B3GAT2: variants seen among roughly 807,000 people sequenced by gnomAD.
The protein encoded by B3GAT2 is beta-1,3-glucuronyltransferase 2.
In B3GAT2, 26 loss-of-function variants were observed where a neutral mutation model predicts 27.8. That is an observed-to-expected ratio of 0.93 (90% confidence interval 0.68 to 1.30). The LOEUF (loss-of-function observed/expected upper bound fraction) is 1.30, where lower values mean the gene tolerates loss of function less well. Among genes scored for constraint, B3GAT2 ranks in the 50% most tolerant of loss-of-function variants. The pLI is 0.00. For synonymous variants in B3GAT2, 218 were observed against 195.1 expected, an observed-to-expected ratio of 1.12 and a Z score of -0.98; for missense variants, 458 against 459.0, an observed-to-expected ratio of 1.00 and a Z score of 0.02.
At chr6:70,954,036 T>G (rs528082741) in intron 1 of B3GAT2, among the ~76,000 whole-genome samples, 41 of 152,332 alleles carry the variant, frequency 2.7e-4, no homozygotes, top group African/African-American at 9.6e-4. Flanking sequence ...AAATCATTCC[T>G]CCTTCACAAT....
intron 1 of B3GAT2, among the ~76,000 whole-genome samples, chr6:70,923,889 T>C (rs1772911404): frequency 6.6e-6 from 1 of 152,240 alleles, no homozygotes; most frequent in African/African-American, 2.4e-5. Flanking sequence ...TCTGTTTATA[T>C]TGTTGTATGT....
chr6:70,893,094 G>T (rs1772318281), intron 2 of B3GAT2, among the ~76,000 whole-genome samples: 1 of 152,214 alleles, frequency 6.6e-6, no homozygotes, highest in Non-Finnish European at 1.5e-5. Flanking sequence ...ACGATGCCAT[G>T]TGACAAGACC....
Position 70,956,244 on chromosome 6 carries a change from C to T in B3GAT2, c.186G>A (p.Gly62=). 4 of 1,611,948 alleles carry T rather than the reference C, an allele frequency of 2.5e-6. No individual in the cohort carries two copies. Among genetic ancestry groups the T allele is most frequent in the Non-Finnish European group, 3.4e-6 (4 of 1,178,892 alleles). The part of the protein sequence containing the change: ...LPLRRGGPAH[G]TQKRNQSRPQ... ...GCCGAGACTGGTTGCGCTTTTGGGT[C>T]CCGTGAGCCGGGCCGCCCCTGCGGA... The change falls in exon 1 of 4, where the codon GGG becomes GGA. Residue 62 remains glycine, a synonymous_variant. Transcript: ENST00000230053.
rs1223083073 is a variant in B3GAT2, at chr6:70,857,234, T to C, written c.*4429A>G. ...TGTACAGGATTCACAGAACTTTATT[T>C]GGAATTAACAAGCTGTTCATAGATC... On this transcript the variant is annotated 3_prime_UTR_variant, in exon 4 of 4. Transcript: ENST00000230053. The C allele has an allele frequency of 2.3e-6, 1 of 427,616 alleles. No homozygotes were observed. Among genetic ancestry groups the C allele is most frequent in the Non-Finnish European group, 4.1e-6 (1 of 246,672 alleles). The allele number at this position is 427,616 out of a possible 1,614,324, so 26.5% of individuals were successfully genotyped here. A position where few individuals can be genotyped will look rare whatever the true frequency, so the allele number is the denominator to read the frequency against.
Position 70,858,074 on chromosome 6 carries a change from A to G in B3GAT2, c.*3589T>C. 1.9e-6 allele frequency: 3 copies of G among 1,614,100 alleles called. No homozygotes were observed. Among genetic ancestry groups the G allele is most frequent in the Non-Finnish European group, 2.5e-6 (3 of 1,179,998 alleles). On this transcript the variant is annotated 3_prime_UTR_variant, in exon 4 of 4. Transcript: ENST00000230053. ...TCCAAGCATGATGGTGGGCATGCCC[A>G]TGCCCAATGGGTTTATGGGAAATGC...
chr6:70,891,748 T>TTGTGTGTGTGTGTG (rs147352529), intron 2 of B3GAT2, among the ~76,000 whole-genome samples: 12 of 144,644 alleles, frequency 8.3e-5, no homozygotes, highest in African/African-American at 2.8e-4. Flanking sequence ...AGAGCTCAGA[T>TTGTGTGTGTGTGTG]TGTGTGTGTG....
At chr6:70,892,391 T>C (rs1426629215) in intron 2 of B3GAT2, among the ~76,000 whole-genome samples, 1 of 152,198 alleles carries the variant, frequency 6.6e-6, no homozygotes, top group Non-Finnish European at 1.5e-5. Flanking sequence ...AGTTCCTAGA[T>C]TAAAATCCAG....
intron 2 of B3GAT2, among the ~76,000 whole-genome samples, chr6:70,886,284 G>A (rs1005215376): frequency 2.0e-5 from 3 of 152,162 alleles, no homozygotes; most frequent in Non-Finnish European, 4.4e-5. Flanking sequence ...TTATATGTAA[G>A]TGGGGATAAT....
At chr6:70,882,619 G>T (rs775297247) in intron 2 of B3GAT2, among the ~76,000 whole-genome samples, 1 of 152,114 alleles carries the variant, frequency 6.6e-6, no homozygotes, top group Non-Finnish European at 1.5e-5. Context: ...CCATAGAATG[G>T]GAAAAATATT....
intron 2 of B3GAT2, among the ~76,000 whole-genome samples, chr6:70,891,192 C>G (rs1432112116): frequency 6.6e-6 from 1 of 152,204 alleles, no homozygotes; most frequent in Non-Finnish European, 1.5e-5. Flanking sequence ...AGAAACCCCC[C>G]AGGGCCTCAC....
intron 1 of B3GAT2, among the ~76,000 whole-genome samples, chr6:70,931,150 C>T (rs1773056329): frequency 1.3e-5 from 2 of 151,824 alleles, no homozygotes; most frequent in Non-Finnish European, 2.9e-5. Context: ...CACTTGGACA[C>T]ATGGTGGGGA....
At chr6:70,889,189 C>T (rs953193278) in intron 2 of B3GAT2, among the ~76,000 whole-genome samples, 1 of 152,176 alleles carries the variant, frequency 6.6e-6, no homozygotes, top group Non-Finnish European at 1.5e-5. Context: ...GTGACTCTAT[C>T]TAGGTGAACC....
chr6:70,949,298 C>A (rs1765541199), intron 1 of B3GAT2, among the ~76,000 whole-genome samples: 1 of 152,062 alleles, frequency 6.6e-6, no homozygotes, highest in African/African-American at 2.4e-5. Flanking sequence ...ATTTTCGCAA[C>A]CTACTCATCT....
At chr6:70,940,070 T>A (rs1323032328) in intron 1 of B3GAT2, among the ~76,000 whole-genome samples, 1 of 151,688 alleles carries the variant, frequency 6.6e-6, no homozygotes. Context: ...GGGTACAGGG[T>A]CTGTGGAGAA....
chr6:70,953,017 TC>T (rs1454590451), intron 1 of B3GAT2, among the ~76,000 whole-genome samples: 3 of 152,220 alleles, frequency 2.0e-5, no homozygotes, highest in African/African-American at 7.2e-5. Flanking sequence ...TGGTTCATTT[TC>T]CTCCTTTTAT....
At chr6:70,910,300 A>AT (rs1772669666) in intron 1 of B3GAT2, among the ~76,000 whole-genome samples, 1 of 151,832 alleles carries the variant, frequency 6.6e-6, no homozygotes, top group African/African-American at 2.4e-5. Context: ...ATATTAGGTC[A>AT]TTTTTTCTCT....
chr6:70,928,315 C>A (rs926808364), intron 1 of B3GAT2, among the ~76,000 whole-genome samples: 1 of 149,892 alleles, frequency 6.7e-6, no homozygotes, highest in South Asian at 2.1e-4. Flanking sequence ...GCTAGCAGAA[C>A]GCAAGAAATA....
chr6:70,858,167 G>A lies in B3GAT2; in HGVS notation c.*3496C>T, dbSNP rs989752026. On this transcript the variant is annotated 3_prime_UTR_variant, in exon 4 of 4. Coordinates refer to ENST00000230053, the MANE Select transcript of B3GAT2 (RefSeq NM_080742.3). ...CCAAGGAGGAATGGTGGGACAAATG[G>A]GTGCACCCCAGAGTAAGTTTGGCCT... 1 of 1,613,836 alleles carries A rather than the reference G, an allele frequency of 6.2e-7. No homozygotes were observed. Among genetic ancestry groups the A allele is most frequent in the Non-Finnish European group, 8.5e-7 (1 of 1,180,008 alleles).
intron 1 of B3GAT2, among the ~76,000 whole-genome samples, chr6:70,938,200 C>T (rs867511894): frequency 9.5e-5 from 14 of 146,890 alleles, no homozygotes; most frequent in African/African-American, 2.3e-4. Context: ...TTACAAGGGA[C>T]GTGAAGGACC....
Sources: gnomAD v4.1 joint callset for allele counts (sites outside exome capture counted in the v4.1 genomes callset) on GRCh38, gnomAD v4.1.1 for gene constraint, MANE v1.5 for transcripts, NCBI Gene and HGNC (gene_info 2026-07-23, HGNC 2026-07-21) for gene names.